KAZN: variants seen among roughly 807,000 people sequenced by gnomAD.
KAZN encodes the protein kazrin.
A neutral mutation model predicts 87.4 loss-of-function variants in KAZN; 40 were observed. That is an observed-to-expected ratio of 0.46 (90% CI 0.36 to 0.60). KAZN has a LOEUF of 0.60. KAZN is among the 20% of genes least tolerant of loss of function. The pLI, the probability that KAZN is intolerant of heterozygous loss-of-function variation, is 0.00. For synonymous variants in KAZN, 466 were observed against 458.3 expected (o/e 1.02, Z -0.22); for missense variants, 898 against 1,073.9 (o/e 0.84, Z 2.29).
At chr1:14,318,618 C>T (rs1393099899) in intron 2 of KAZN, among the ~76,000 whole-genome samples, 1 of 152,068 alleles carries the variant, frequency 6.6e-6, no homozygotes, top group Non-Finnish European at 1.5e-5. Context: ...ATTTTTAGCT[C>T]TATTTCTTTA....
intron 1 of KAZN, among the ~76,000 whole-genome samples, chr1:14,768,221 G>T (rs1328681984): frequency 6.6e-6 from 1 of 152,108 alleles, no homozygotes; most frequent in Non-Finnish European, 1.5e-5. Flanking sequence ...TGGGAAAGAG[G>T]ACTCTATTTA....
chr1:13,932,992 C>T (rs950963850), intron 1 of KAZN, among the ~76,000 whole-genome samples: 1 of 152,188 alleles, frequency 6.6e-6, no homozygotes, highest in South Asian at 2.1e-4. Context: ...AGAATTCCTA[C>T]ACACCCTTCA....
At chr1:13,983,502 C>T (rs574949590) in intron 1 of KAZN, among the ~76,000 whole-genome samples, 1 of 152,322 alleles carries the variant, frequency 6.6e-6, no homozygotes, top group South Asian at 2.1e-4. Flanking sequence ...TCTAGCTGGC[C>T]CGCAAGCACG....
At chr1:14,364,191 C>T (rs899380316) in intron 2 of KAZN, among the ~76,000 whole-genome samples, 7 of 152,112 alleles carry the variant, frequency 4.6e-5, no homozygotes, top group African/African-American at 7.2e-5. Flanking sequence ...GTCCTTCTGC[C>T]GCTGATGCAT....
At chr1:14,048,063 C>T (rs1343623041) in intron 1 of KAZN, among the ~76,000 whole-genome samples, 1 of 152,158 alleles carries the variant, frequency 6.6e-6, no homozygotes, top group African/African-American at 2.4e-5. Flanking sequence ...CTTCCACTCT[C>T]CAGCTGTGTG....
intron 1 of KAZN, among the ~76,000 whole-genome samples, chr1:14,811,903 T>C (rs773376515): frequency 6.6e-6 from 1 of 152,190 alleles, no homozygotes; most frequent in African/African-American, 2.4e-5. Flanking sequence ...AATGGAAGAA[T>C]GAAAACTTGA....
intron 1 of KAZN, among the ~76,000 whole-genome samples, chr1:14,618,952 G>A (rs1678472158): frequency 6.6e-6 from 1 of 152,142 alleles, no homozygotes; most frequent in Admixed American, 6.5e-5. Context: ...GGTGTAGGTG[G>A]GTCTTTGGGC....
intron 1 of KAZN, among the ~76,000 whole-genome samples, chr1:14,762,094 C>A (rs1289922685): frequency 2.0e-5 from 3 of 152,114 alleles, no homozygotes; most frequent in African/African-American, 7.2e-5. Flanking sequence ...GCTCTGTGTC[C>A]TCAGGATGAC....
At chr1:14,557,646 GT>G (rs1484237495) in intron 2 of KAZN, among the ~76,000 whole-genome samples, 2 of 144,622 alleles carry the variant, frequency 1.4e-5, no homozygotes, top group Non-Finnish European at 1.5e-5. Context: ...GTGTGTGTGT[GT>G]GTGTGTGTGT....
chr1:15,032,110 C>G (rs1671771634), intron 2 of KAZN, among the ~76,000 whole-genome samples: 1 of 152,036 alleles, frequency 6.6e-6, no homozygotes, highest in African/African-American at 2.4e-5. Context: ...CCCGATCCAC[C>G]CCCACACCCA....
chr1:14,694,494 A>G (rs1425846461), intron 1 of KAZN, among the ~76,000 whole-genome samples: 1 of 152,186 alleles, frequency 6.6e-6, no homozygotes, highest in Admixed American at 6.5e-5. Context: ...TCATTCATCA[A>G]ACATTAATGA....
At chr1:14,462,754 T>A (rs1383859231) in intron 2 of KAZN, among the ~76,000 whole-genome samples, 1 of 152,120 alleles carries the variant, frequency 6.6e-6, no homozygotes, top group Non-Finnish European at 1.5e-5. Context: ...AACTCCTCTT[T>A]ATAAAACCAT....
rs79968475 is a variant in KAZN at position 14,551,355 on chromosome 1, T to C, written c.250-47628T>C. ...GGGCTCCCCTCGTATGATAAAACTT[T>C]GCACAGCTCTCTAGAATGGGAAGAA... On this transcript the variant is annotated intron_variant, in intron 2 of 16. Transcript: ENST00000636203. 2.8e-4 allele frequency among the ~76,000 whole-genome samples: 43 copies of C among 152,322 alleles called. No individual in the cohort carries two copies. The East Asian group carries it at 8.3e-3, about 29-fold the overall frequency.
At chr1:14,952,187 A>G (rs1294914306) in intron 1 of KAZN, among the ~76,000 whole-genome samples, 1 of 151,476 alleles carries the variant, frequency 6.6e-6, no homozygotes, top group Non-Finnish European at 1.5e-5. Flanking sequence ...AGTGACTTCC[A>G]TTTGACTGTG....
chr1:14,855,536 G>A (rs3908267), intron 1 of KAZN, among the ~76,000 whole-genome samples: 7,380 of 152,218 alleles, frequency 0.048, 471 homozygotes, highest in African/African-American at 0.14. Flanking sequence ...GAGATGGGTC[G>A]GGTCACTGAT....
chr1:14,455,262 C>G (rs1316789321), intron 2 of KAZN, among the ~76,000 whole-genome samples: 2 of 152,144 alleles, frequency 1.3e-5, no homozygotes, highest in Admixed American at 6.5e-5. Flanking sequence ...AAATTCTAAC[C>G]ATGTCCTGAG....
chr1:13,905,567 C>T (rs900704513), intron 1 of KAZN, among the ~76,000 whole-genome samples: 14 of 152,148 alleles, frequency 9.2e-5, no homozygotes, highest in African/African-American at 1.9e-4. Flanking sequence ...TCCCTGATGT[C>T]GAGCCCTCTA....
Position 15,081,913 on chromosome 1 carries a change from G to A in KAZN, c.1223-12267G>A, listed in dbSNP as rs1640022429. Among the ~76,000 whole-genome samples the A allele has an allele frequency of 6.6e-6, 1 of 152,156 alleles. No individual in the cohort carries two copies. Among genetic ancestry groups the A allele is most frequent in the East Asian group, 1.9e-4 (1 of 5,192 alleles). Reference sequence around the variant, plus strand: ...GATGATGAGCAGAAGAGGTCCCTGGGAAGATACCATTTTTTAAAAAAATTT... The same window carrying A: ...GATGATGAGCAGAAGAGGTCCCTGGAAAGATACCATTTTTTAAAAAAATTT... On this transcript the variant is annotated intron_variant, in intron 8 of 14. Transcript: ENST00000376030. The surrounding 1 kb of genome is among the most constrained non-coding windows in gnomAD (Gnocchi z 4.1).
intron 2 of KAZN, among the ~76,000 whole-genome samples, chr1:14,286,002 T>C (rs1208010091): frequency 2.0e-5 from 3 of 152,178 alleles, no homozygotes; most frequent in Non-Finnish European, 2.9e-5. Context: ...ACTACACCCT[T>C]GTTCCCTCTC....
Sources: gnomAD v4.1 joint callset for allele counts (sites outside exome capture counted in the v4.1 genomes callset) on GRCh38, gnomAD v4.1.1 for gene constraint, Gnocchi (gnomAD v3.1) non-coding constraint, MANE v1.5 for transcripts, NCBI Gene and HGNC (gene_info 2026-07-23, HGNC 2026-07-21) for gene names.